The following CEMIP2 variants were observed in gnomAD, a reference collection of about 807,000 sequenced individuals.
The protein encoded by CEMIP2 is cell surface hyaluronidase CEMIP2.
CEMIP2 carries 79 observed loss-of-function variants against 146.9 expected under a neutral mutation model. That is an observed-to-expected ratio of 0.54 (90% CI 0.45 to 0.65). The LOEUF (loss-of-function observed/expected upper bound fraction) is 0.65. Among genes scored for constraint, CEMIP2 ranks in the 30% least tolerant of loss-of-function variants. The pLI is 0.00. For missense variants in CEMIP2, 1,596 were observed against 1,696.2 expected, an observed-to-expected ratio of 0.94 and a Z score of 1.04; for synonymous variants, 601 against 606.3, an observed-to-expected ratio of 0.99 and a Z score of 0.13.
intron 19 of CEMIP2, chr9:71,699,465 A>AAT: frequency 2.4e-6 from 1 of 412,808 alleles, no homozygotes; most frequent in South Asian, 1.8e-5. Flanking sequence ...AAAAAAAAAA[A>AAT]GAAAGAAAGA....
In CEMIP2 at chr9:71,732,581, T is replaced by A. The variant is rs76603578; in HGVS notation, c.1394-61A>T. ...GAACAAAGAAAACATGAAACTCACT[T>A]CAAAAAGACATTCTCTTCATTCCAT... On this transcript the variant is annotated intron_variant, in intron 6 of 23. Transcript: ENST00000377044. 2.1e-6 allele frequency: 3 copies of A among 1,427,758 alleles called. No homozygotes were observed. The African/African-American group carries it at 4.4e-5, about 21-fold the overall frequency. The allele number at this position is 1,427,758 out of a possible 1,614,324, so 88.4% of individuals were successfully genotyped here.
intron 4 of CEMIP2, among the ~76,000 whole-genome samples, chr9:71,743,188 A>C (rs927503408): frequency 6.6e-6 from 1 of 152,232 alleles, no homozygotes; most frequent in African/African-American, 2.4e-5. Context: ...CATTTATATA[A>C]AGTTGAAAAA....
chr9:71,724,160 T>C (rs1403204675), intron 11 of CEMIP2, among the ~76,000 whole-genome samples: 1 of 152,056 alleles, frequency 6.6e-6, no homozygotes, highest in Non-Finnish European at 1.5e-5. Context: ...CTGGGCATGG[T>C]GGCAGATGCC....
intron 16 of CEMIP2, among the ~76,000 whole-genome samples, chr9:71,711,622 TA>T (rs896769904): frequency 2.6e-5 from 4 of 151,288 alleles, no homozygotes; most frequent in Non-Finnish European, 4.4e-5. Context: ...AAAAAAGAAA[TA>T]ACCTAATTTG....
intron 1 of CEMIP2, among the ~76,000 whole-genome samples, chr9:71,765,810 G>A (rs1400987938): frequency 3.3e-5 from 5 of 152,010 alleles, no homozygotes; most frequent in South Asian, 2.1e-4. Context: ...CAATCCCTGT[G>A]GCCTCCCGGG....
chr9:71,691,882 G>A, intron 21 of CEMIP2, among the ~76,000 whole-genome samples: 1 of 152,074 alleles, frequency 6.6e-6, no homozygotes, highest in Non-Finnish European at 1.5e-5. Context: ...GAGGAGGGTG[G>A]ATCACCTGAG....
In CEMIP2 at chr9:71,741,631, G is replaced by GTTTTTTTTTTT. The variant is rs11334265; in HGVS notation, c.1035-1410_1035-1400dup. Among the ~76,000 whole-genome samples, 7 of 73,126 alleles carry GTTTTTTTTTTT rather than the reference G, an allele frequency of 9.6e-5. 1 individual carries two copies. The highest frequency in any genetic ancestry group is 1.2e-4 in the Non-Finnish European group (5 of 41,842). 48.0% of individuals were successfully genotyped at this position (73,126 alleles called of 152,430 possible). Reference sequence around the variant, plus strand: ...CACCATTATTTCTTTTTCTTTTCTGGTTTTTTTTTTTTTTTTTTTTTTTTG... The same window carrying GTTTTTTTTTTT: ...CACCATTATTTCTTTTTCTTTTCTGGTTTTTTTTTTTTTTTTTTTTTTTTTTTTTTTTTTTG... On this transcript the variant is annotated intron_variant, in intron 4 of 23. Coordinates refer to ENST00000377044, the MANE Select transcript of CEMIP2 (RefSeq NM_013390.3).
At chr9:71,729,481 T>C (rs1325158148) in intron 10 of CEMIP2, among the ~76,000 whole-genome samples, 1 of 151,860 alleles carries the variant, frequency 6.6e-6, no homozygotes, top group African/African-American at 2.4e-5. Flanking sequence ...TAGCTGGGCG[T>C]GGTAGCAGGC....
intron 21 of CEMIP2, among the ~76,000 whole-genome samples, chr9:71,694,097 A>G (rs1002799430): frequency 7.9e-6 from 1 of 127,256 alleles, no homozygotes; most frequent in African/African-American, 3.0e-5. Context: ...TCTGTTGTTT[A>G]TTTTTATTTA....
chr9:71,712,360 T>A, intron 15 of CEMIP2, 100 bp from the exon 16 acceptor site: 1 of 1,170,410 alleles, frequency 8.5e-7, no homozygotes, highest in Non-Finnish European at 1.2e-6. Context: ...CGGTATGAAC[T>A]AAGCAAAATT....
chr9:71,744,954 A>G, intron 4 of CEMIP2, 64 bp downstream of exon 4: 1 of 1,515,012 alleles, frequency 6.6e-7, no homozygotes, highest in Admixed American at 2.0e-5. Flanking sequence ...TCCTTTCCCC[A>G]CCCTCACTCT....
intron 17 of CEMIP2, 30 bp downstream of exon 17, chr9:71,709,229 A>G: frequency 6.2e-7 from 1 of 1,606,136 alleles, no homozygotes. Flanking sequence ...GCTGGTAGGA[A>G]CTTGAGCATT....
rs184196857 is a variant in CEMIP2, at chr9:71,731,001, G to A, written c.1564-87C>T. 86 of 1,044,060 alleles carry A rather than the reference G, an allele frequency of 8.2e-5. 1 individual carries two copies. The Admixed American group carries it at 1.8e-3, about 22-fold the overall frequency. The allele number at this position is 1,044,060 out of a possible 1,614,324, so 64.7% of individuals were successfully genotyped here. A position where few individuals can be genotyped will look rare whatever the true frequency, so the allele number is the denominator to read the frequency against. ...ATTGTTCTAGTAGAAAACATCCAAA[G>A]GAGAATACTTATTAAAACATTCGAT... On this transcript the variant is annotated intron_variant, in intron 7 of 23. Coordinates refer to ENST00000377044, the MANE Select transcript of CEMIP2 (RefSeq NM_013390.3).
chr9:71,742,527 G>A (rs750685550), intron 4 of CEMIP2, among the ~76,000 whole-genome samples: 2 of 152,146 alleles, frequency 1.3e-5, no homozygotes, highest in African/African-American at 2.4e-5. Context: ...CAATGCAATG[G>A]AACGCTGGCA....
At chr9:71,686,025 G>T (rs1822049734) in intron 22 of CEMIP2, 179 bp from the exon 23 acceptor site, 2 of 588,192 alleles carry the variant, frequency 3.4e-6, no homozygotes, top group South Asian at 2.1e-5. Context: ...CCACCACCAT[G>T]GGCTTCACAC....
At chr9:71,693,704 T>G (rs962134185) in intron 21 of CEMIP2, among the ~76,000 whole-genome samples, 1 of 152,194 alleles carries the variant, frequency 6.6e-6, no homozygotes, top group African/African-American at 2.4e-5. Flanking sequence ...CAATAGAAAA[T>G]GTGATGACAA....
At chr9:71,728,836 T>TGCGC (rs1554684986) in intron 10 of CEMIP2, among the ~76,000 whole-genome samples, 2 of 151,496 alleles carry the variant, frequency 1.3e-5, no homozygotes, top group South Asian at 4.2e-4. Context: ...TGTGTGTGTG[T>TGCGC]GTGTGTTTTT....
At chr9:71,728,277 A>ACG (rs1554684713) in intron 10 of CEMIP2, among the ~76,000 whole-genome samples, 15 of 10,774 alleles carry the variant, frequency 1.4e-3, no homozygotes, top group Non-Finnish European at 3.2e-3. Context: ...ATATATATAT[A>ACG]TATGTATATA....
intron 17 of CEMIP2, 159 bp from the exon 18 acceptor site, chr9:71,704,962 T>C: frequency 1.6e-6 from 1 of 640,306 alleles, no homozygotes; most frequent in Non-Finnish European, 2.7e-6. Flanking sequence ...CTCAGCCACT[T>C]ATAGTGCAGC....
Sources: allele counts gnomAD v4.1 joint callset (sites outside exome capture counted in the v4.1 genomes callset), GRCh38; gene constraint gnomAD v4.1.1; transcripts MANE v1.5; gene names NCBI Gene and HGNC (gene_info 2026-07-23, HGNC 2026-07-21).